The following PZP variants were observed in gnomAD, a reference collection of about 807,000 sequenced individuals.
The protein encoded by PZP is PZP alpha-2-macroglobulin like.
Under a neutral mutation model 179.8 loss-of-function variants are expected in PZP, and 150 were observed. The observed-to-expected ratio is 0.83, with a 90% CI of 0.73 to 0.96. The LOEUF (loss-of-function observed/expected upper bound fraction) is 0.96. Among genes scored for constraint, PZP ranks in the 40% least tolerant of loss-of-function variants. PZP has a pLI of 0.00. For synonymous variants in PZP, 624 were observed against 652.3 expected (o/e 0.96, Z 0.66); for missense variants, 1,689 against 1,764.0 (o/e 0.96, Z 0.76).
chr12:9,162,734 G>T, intron 21 of PZP, 86 bp from the exon 22 acceptor site: 1 of 1,070,194 alleles, frequency 9.3e-7, no homozygotes, highest in Non-Finnish European at 1.4e-6. Flanking sequence ...TGATGGGTAG[G>T]GTTTACACGA....
chr12:9,145,400 G>A (rs1450616999), downstream of PZP, among the ~76,000 whole-genome samples: 1 of 152,062 alleles, frequency 6.6e-6, no homozygotes, highest in Admixed American at 6.5e-5. Flanking sequence ...ATAGCAGTCT[G>A]TTTTAAGCTG....
chr12:9,157,710 T>C (rs1940863579), intron 27 of PZP, 57 bp downstream of exon 27: 4 of 1,507,054 alleles, frequency 2.7e-6, no homozygotes, highest in Non-Finnish European at 3.7e-6. Flanking sequence ...AGGGTGGCAT[T>C]CCAGACAGCA....
chr12:9,203,646 A>C, intron 2 of PZP, 122 bp downstream of exon 2: 1 of 1,196,142 alleles, frequency 8.4e-7, no homozygotes, highest in Non-Finnish European at 1.2e-6. Context: ...TGGCCCCTGA[A>C]GTCCTAACTA....
At chr12:9,193,262 A>G (rs1943559244) in intron 11 of PZP, among the ~76,000 whole-genome samples, 1 of 152,198 alleles carries the variant, frequency 6.6e-6, no homozygotes, top group Non-Finnish European at 1.5e-5. Flanking sequence ...TTTGCGCACA[A>G]TTCTATTTCC....
Position 9,200,908 on chromosome 12 carries a change from G to T in PZP, c.654C>A (p.Phe218Leu). 6.2e-7 allele frequency: 1 copy of T among 1,612,834 alleles called. No individual in the cohort carries two copies. Among genetic ancestry groups the T allele is most frequent in the South Asian group, 1.1e-5 (1 of 90,718 alleles). ...TESGGRIQHP[F>L]TVEEFVLPKF... ...AATCCATACCAAATTCCTCCACGGT[G>T]AAGGGGTGCTGTATCCTTCCACCTG... is the stretch of plus-strand genomic sequence containing the variant. The change falls in exon 6 of 36, where the codon TTC (phenylalanine) becomes TTA (leucine). Residue 218 changes from phenylalanine (F) to leucine (L), a missense_variant. Physicochemically the swap from Phe to Leu is conservative, Grantham distance 22. This residue lies in a region of PZP where 742 missense variants were observed against 730.5 expected (regional missense o/e 1.02). Transcript: ENST00000261336.
At chr12:9,165,396 A>G in intron 18 of PZP, 29 bp from the exon 19 acceptor site, 1 of 1,611,662 alleles carries the variant, frequency 6.2e-7, no homozygotes. Context: ...GAAGAACAGA[A>G]ATAATGAATG....
At chr12:9,187,882 C>A (rs772027972) in intron 13 of PZP, among the ~76,000 whole-genome samples, 1 of 152,316 alleles carries the variant, frequency 6.6e-6, no homozygotes, top group African/African-American at 2.4e-5. Flanking sequence ...AAATGGCAGC[C>A]AGCCTCACCC....
At chr12:9,166,274 G>T in intron 17 of PZP, 72 bp from the exon 18 acceptor site, 1 of 1,504,116 alleles carries the variant, frequency 6.6e-7, no homozygotes, top group Non-Finnish European at 9.0e-7. Context: ...TGAGACGTTA[G>T]AGAACAAAAT....
intron 13 of PZP, among the ~76,000 whole-genome samples, chr12:9,190,475 C>T (rs1324388813): frequency 1.3e-5 from 2 of 152,006 alleles, no homozygotes; most frequent in Admixed American, 6.6e-5. Flanking sequence ...AAGAGGACAA[C>T]ACACAGTGGG....
At chr12:9,139,637 TG>T in the PZP span, among the ~76,000 whole-genome samples, 9 of 152,336 alleles carry the variant, frequency 5.9e-5, no homozygotes, top group Admixed American at 5.9e-4. Flanking sequence ...TAATTGTAAT[TG>T]TTATATATTC....
intron 28 of PZP, chr12:9,156,005 T>A: frequency 5.9e-6 from 1 of 169,190 alleles, no homozygotes; most frequent in Non-Finnish European, 1.3e-5. Flanking sequence ...GTAGTTTTTA[T>A]TGCTTCTTGA....
At position 9,151,605 on chromosome 12, in the gene PZP, T is replaced by C; in HGVS notation, c.4280A>G (p.Gln1427Arg). 6.2e-7 allele frequency: 1 copy of C among 1,613,448 alleles called. No individual in the cohort carries two copies. Among genetic ancestry groups the C allele is most frequent in the East Asian group, 2.2e-5 (1 of 44,864 alleles). Residue 1427 changes from glutamine (Q) to arginine (R), a missense_variant and splice_region_variant, in exon 33 of 36, where the codon CAG (glutamine) becomes CGG (arginine). Coordinates refer to ENST00000261336, the MANE Select transcript of PZP (RefSeq NM_002864.3). ...SNNHVLIYVE[Q>R]VTNQTLSFSF... ...CAGCCAGGATGTCAGAGCCCTCACC[T>C]GTTCCACATAAATGAGGACATGGTT... is the stretch of plus-strand genomic sequence containing the variant.
At position 9,160,321 on chromosome 12, in the gene PZP, G is replaced by A; in HGVS notation, c.3042C>T (p.Leu1014=). The stretch of plus-strand genomic sequence containing the variant: ...TTTCTCTGTCTCACTTACCAGTGAT[G>A]AGATAGCCAACGGCCTTGGCCTTGA... The part of the protein sequence containing the change: ...QEIKAKAVGY[L]ITGYQRQLNY... The change falls in exon 24 of 36, where the codon CTC becomes CTT. Residue 1014 remains leucine (L), a synonymous_variant. Coordinates refer to ENST00000261336, the MANE Select transcript of PZP (RefSeq NM_002864.3). 6.2e-7 allele frequency: 1 copy of A among 1,610,202 alleles called. No homozygotes were observed. The highest frequency in any genetic ancestry group is 8.5e-7 in the Non-Finnish European group (1 of 1,178,822).
At chr12:9,159,120 C>T (rs1397727329) in intron 25 of PZP, among the ~76,000 whole-genome samples, 2 of 151,990 alleles carry the variant, frequency 1.3e-5, no homozygotes, top group East Asian at 3.9e-4. Context: ...TATGCTCTGC[C>T]AGTAATGGTT....
At chr12:9,193,212 C>T (rs1943555473) in intron 11 of PZP, among the ~76,000 whole-genome samples, 1 of 152,120 alleles carries the variant, frequency 6.6e-6, no homozygotes, top group Non-Finnish European at 1.5e-5. Context: ...ACCTTTAAGA[C>T]CTATGTGATT....
At chr12:9,169,133 T>C (rs147608215) in intron 16 of PZP, among the ~76,000 whole-genome samples, 159 bp from the exon 17 acceptor site, 8 of 151,944 alleles carry the variant, frequency 5.3e-5, no homozygotes, top group African/African-American at 1.7e-4. Context: ...ACTAAACTTA[T>C]GGATTATTAA....
At chr12:9,178,605 G>A (rs1942548252) in intron 15 of PZP, among the ~76,000 whole-genome samples, 1 of 152,158 alleles carries the variant, frequency 6.6e-6, no homozygotes, top group Admixed American at 6.5e-5. Context: ...TGGTGAAGAA[G>A]GAAAAAGAAA....
At chr12:9,162,432 T>G in intron 22 of PZP, 165 bp downstream of exon 22, 1 of 600,058 alleles carries the variant, frequency 1.7e-6, no homozygotes, top group Non-Finnish European at 2.9e-6. Context: ...TCTCTTGGGC[T>G]CAATGTCTTC....
chr12:9,188,857 A>ACC (rs1322293965), intron 13 of PZP, among the ~76,000 whole-genome samples: 10 of 152,208 alleles, frequency 6.6e-5, no homozygotes, highest in African/African-American at 2.4e-5. Flanking sequence ...ATTATAAAAC[A>ACC]CCGCTCAAAG....
Sources: gnomAD v4.1 joint callset for allele counts (sites outside exome capture counted in the v4.1 genomes callset) on GRCh38, gnomAD v4.1.1 for gene constraint, gnomAD v4.1.1 regional missense constraint, MANE v1.5 for transcripts, NCBI Gene and HGNC (gene_info 2026-07-23, HGNC 2026-07-21) for gene names.